Variants in PTPRR observed in about 807,000 individuals in gnomAD.
PTPRR encodes receptor-type tyrosine-protein phosphatase R.
Under a neutral mutation model 77.2 loss-of-function variants are expected in PTPRR, and 38 were observed. The observed-to-expected ratio is 0.49, with a 90% confidence interval of 0.38 to 0.65. PTPRR has a LOEUF of 0.65. Ranked by LOEUF, PTPRR falls within the 30% of genes least tolerant of loss-of-function variation. The pLI is 0.00. For synonymous variants in PTPRR, 299 were observed against 283.1 expected (o/e 1.06, Z -0.57); for missense variants, 744 against 799.2 (o/e 0.93, Z 0.83).
intron 5 of PTPRR, among the ~76,000 whole-genome samples, chr12:70,746,642 G>A (rs1447579798): frequency 1.3e-5 from 2 of 151,890 alleles, no homozygotes; most frequent in Non-Finnish European, 1.5e-5. Context: ...AGAATAATTT[G>A]GACAACCAGA....
chr12:70,835,861 TC>T (rs1183330415), intron 2 of PTPRR, among the ~76,000 whole-genome samples: 3 of 152,088 alleles, frequency 2.0e-5, no homozygotes, highest in Admixed American at 6.6e-5. Flanking sequence ...TATTTTACTC[TC>T]CCCAGTACAC....
At chr12:70,835,803 A>G (rs1005883159) in intron 2 of PTPRR, among the ~76,000 whole-genome samples, 2 of 152,166 alleles carry the variant, frequency 1.3e-5, no homozygotes, top group Non-Finnish European at 2.9e-5. Flanking sequence ...CATTATAAAC[A>G]TAAGTGGATT....
intron 1 of PTPRR, among the ~76,000 whole-genome samples, chr12:70,901,148 G>T (rs1893527263): frequency 6.6e-6 from 1 of 151,346 alleles, no homozygotes; most frequent in African/African-American, 2.4e-5. Flanking sequence ...TTGAATTTTT[G>T]AATTAGGGAT....
intron 1 of PTPRR, among the ~76,000 whole-genome samples, chr12:70,905,441 A>G (rs1423330177): frequency 1.3e-5 from 2 of 151,888 alleles, no homozygotes; most frequent in African/African-American, 4.8e-5. Flanking sequence ...CTCTTACAGA[A>G]TGTTTAGTAA....
intron 2 of PTPRR, among the ~76,000 whole-genome samples, chr12:70,823,498 G>T (rs997084968): frequency 6.6e-6 from 1 of 152,076 alleles, no homozygotes; most frequent in African/African-American, 2.4e-5. Flanking sequence ...TATATTCCCA[G>T]AGTGCCCTAC....
rs1044891618 is a variant in PTPRR at position 70,656,833 on chromosome 12, A to G, written c.1767-16T>C. On this transcript the variant is annotated splice_polypyrimidine_tract_variant and intron_variant, in intron 12 of 13. Coordinates refer to ENST00000283228, the MANE Select transcript of PTPRR (RefSeq NM_002849.4). ...TATTCCTGCACTGAAAAGAAAAGAA[A>G]AGAAATTTAAAAAGTGGGGGAAAAT... 2.6e-6 allele frequency: 4 copies of G among 1,537,068 alleles called. No individual in the cohort carries two copies. The Admixed American group carries it at 5.2e-5, about 20-fold the overall frequency.
intron 2 of PTPRR, among the ~76,000 whole-genome samples, chr12:70,833,492 G>T (rs1254693922): frequency 6.6e-6 from 1 of 152,106 alleles, no homozygotes; most frequent in Non-Finnish European, 1.5e-5. Context: ...TTGAACTCAT[G>T]GGAGCAAATG....
At chr12:70,779,414 G>A (rs1358196698) in intron 2 of PTPRR, among the ~76,000 whole-genome samples, 1 of 152,046 alleles carries the variant, frequency 6.6e-6, no homozygotes, top group Non-Finnish European at 1.5e-5. Flanking sequence ...CCTGCTGCCT[G>A]GGGAAGTGTT....
chr12:70,860,629 C>A (rs1565721209), intron 2 of PTPRR, among the ~76,000 whole-genome samples: 1 of 152,110 alleles, frequency 6.6e-6, no homozygotes, highest in Non-Finnish European at 1.5e-5. Flanking sequence ...GATTTATCAA[C>A]CAGCAACATT....
chr12:70,759,915 G>A (rs1890654566), intron 4 of PTPRR, among the ~76,000 whole-genome samples: 1 of 152,034 alleles, frequency 6.6e-6, no homozygotes, highest in South Asian at 2.1e-4. Flanking sequence ...AGCCAGAGAA[G>A]AATCACGAAA....
chr12:70,651,645 G>C (rs1265216169), intron 13 of PTPRR, among the ~76,000 whole-genome samples: 2 of 152,144 alleles, frequency 1.3e-5, no homozygotes, highest in Non-Finnish European at 2.9e-5. Context: ...ATGTTGCCCA[G>C]GGTGGGTGGC....
At chr12:70,830,993 T>C (rs961255818) in intron 2 of PTPRR, among the ~76,000 whole-genome samples, 2 of 152,190 alleles carry the variant, frequency 1.3e-5, no homozygotes, top group African/African-American at 4.8e-5. Flanking sequence ...TATGTGCCAC[T>C]CTTAAAAGAC....
intron 2 of PTPRR, among the ~76,000 whole-genome samples, chr12:70,882,144 A>C (rs763713628): frequency 1.3e-5 from 2 of 152,204 alleles, no homozygotes; most frequent in African/African-American, 4.8e-5. Flanking sequence ...CTTTCTTTCC[A>C]AACTCCAAGA....
At chr12:70,768,043 A>G (rs1358082827) in intron 2 of PTPRR, among the ~76,000 whole-genome samples, 3 of 152,096 alleles carry the variant, frequency 2.0e-5, no homozygotes, top group Non-Finnish European at 4.4e-5. Context: ...ATAGCACTAA[A>G]TGCCCACAAG....
At chr12:70,839,124 A>G (rs1472852663) in intron 2 of PTPRR, among the ~76,000 whole-genome samples, 1 of 152,146 alleles carries the variant, frequency 6.6e-6, no homozygotes, top group Non-Finnish European at 1.5e-5. Flanking sequence ...ATGCTGAACC[A>G]TGTGGAAAAG....
chr12:70,780,626 C>T (rs1364053766), intron 2 of PTPRR, among the ~76,000 whole-genome samples: 1 of 152,058 alleles, frequency 6.6e-6, no homozygotes, highest in Non-Finnish European at 1.5e-5. Flanking sequence ...CATATACCTA[C>T]ACATATCATA....
chr12:70,678,005 T>C (rs986487478), intron 10 of PTPRR, among the ~76,000 whole-genome samples: 2 of 152,156 alleles, frequency 1.3e-5, no homozygotes, highest in Non-Finnish European at 2.9e-5. Flanking sequence ...GTAGAATTCA[T>C]TGGTGAAGCC....
At chr12:70,861,000 T>A (rs1892743907) in intron 2 of PTPRR, among the ~76,000 whole-genome samples, 2 of 152,194 alleles carry the variant, frequency 1.3e-5, no homozygotes, top group Non-Finnish European at 2.9e-5. Flanking sequence ...GTTTATGGTC[T>A]GTCTTCCTCC....
chr12:70,719,721 C>A (rs1418896145), intron 6 of PTPRR, among the ~76,000 whole-genome samples: 2 of 152,158 alleles, frequency 1.3e-5, no homozygotes, highest in East Asian at 3.9e-4. Context: ...CTGCTAAGAG[C>A]ATCTGCAGTC....
Sources: gnomAD v4.1 joint callset for allele counts (sites outside exome capture counted in the v4.1 genomes callset) on GRCh38, gnomAD v4.1.1 for gene constraint, MANE v1.5 for transcripts, NCBI Gene and HGNC (gene_info 2026-07-23, HGNC 2026-07-21) for gene names.